NXN: variants seen among roughly 807,000 people sequenced by gnomAD.
NXN encodes the protein nucleoredoxin, also known as nucleoredoxin 1.
NXN carries 16 observed loss-of-function variants against 48.6 expected under a neutral mutation model. That is an observed-to-expected ratio of 0.33 (90% confidence interval 0.22 to 0.50). The LOEUF is 0.50. Among genes scored for constraint, NXN ranks in the 20% least tolerant of loss-of-function variants. The probability of loss-of-function intolerance (pLI) is 0.98; values close to 1 mark genes in which losing one functional copy is unlikely to be tolerated. For synonymous variants in NXN, 281 were observed against 269.6 expected (o/e 1.04, Z -0.41); for missense variants, 492 against 605.5 (o/e 0.81, Z 1.97).
At chr17:864,222 G>A in intron 1 of NXN, 2 of 1,352,302 alleles carry the variant, frequency 1.5e-6, no homozygotes, top group South Asian at 2.5e-5. Flanking sequence ...GGCATTCATG[G>A]TACTTGTCTT....
At chr17:925,999 A>G (rs1456013246) in intron 1 of NXN, among the ~76,000 whole-genome samples, 1 of 152,220 alleles carries the variant, frequency 6.6e-6, no homozygotes. Context: ...TCTCGTTGCA[A>G]AAGAGCCATT....
chr17:896,932 T>C (rs1597222852), intron 1 of NXN: 1 of 1,251,474 alleles, frequency 8.0e-7, no homozygotes, highest in South Asian at 1.3e-5. Flanking sequence ...CTTCTTTTTT[T>C]CCCAAGCCAG....
rs147811976 is a variant in NXN, at chr17:866,348, C to T, written c.361-40270G>A. Among the ~76,000 whole-genome samples the T allele has an allele frequency of 3.9e-5, 6 of 152,096 alleles. No individual in the cohort carries two copies. The East Asian group carries it at 9.7e-4, about 25-fold the overall frequency. On this transcript the variant is annotated intron_variant, in intron 1 of 7. Coordinates refer to ENST00000336868, the MANE Select transcript of NXN (RefSeq NM_022463.5). ...CTGTAATACCAGCACTTTGAGAGGC[C>T]GAGGCAGGAGGATCACCTGCACTGA... is the stretch of plus-strand genomic sequence containing the variant.
chr17:867,918 T>C (rs1451041754), intron 1 of NXN, among the ~76,000 whole-genome samples: 2 of 150,910 alleles, frequency 1.3e-5, no homozygotes, highest in African/African-American at 4.9e-5. Context: ...AAGTCTTAAA[T>C]GTACCTTGCA....
intron 1 of NXN, among the ~76,000 whole-genome samples, chr17:841,896 G>T (rs1438993497): frequency 6.6e-6 from 1 of 152,198 alleles, no homozygotes; most frequent in Non-Finnish European, 1.5e-5. Flanking sequence ...CAGCACTTTG[G>T]GAGGCCGAGG....
chr17:970,208 G>A (rs2069357361), intron 1 of NXN, among the ~76,000 whole-genome samples: 1 of 152,132 alleles, frequency 6.6e-6, no homozygotes, highest in Non-Finnish European at 1.5e-5. Flanking sequence ...CTGGGCTTCT[G>A]CCTCGTCGTG....
At chr17:973,599 GA>G (rs748907152) in intron 1 of NXN, among the ~76,000 whole-genome samples, 3 of 152,112 alleles carry the variant, frequency 2.0e-5, no homozygotes, top group Non-Finnish European at 4.4e-5. Flanking sequence ...AATATCCCGG[GA>G]CTTTAAGGCA....
rs2067899920 is a variant in NXN, at chr17:849,426, A to C, written c.361-23348T>G. On this transcript the variant is annotated intron_variant, in intron 1 of 7. Transcript: ENST00000336868. This position sits in a 1 kb window ranked among gnomAD's most constrained non-coding sequence, Gnocchi z 4.2. ...CAGGTACCTGTAATCCCAGCTACTC[A>C]GGAGGCTGAGGCAGAAGAATTGCTT... is the stretch of plus-strand genomic sequence containing the variant. Among the ~76,000 whole-genome samples the C allele has an allele frequency of 6.6e-6, 1 of 151,994 alleles. No homozygotes were observed. The highest frequency in any genetic ancestry group is 2.4e-5 in the African/African-American group (1 of 41,386).
rs2069176823 is a variant in NXN, at chr17:956,897, C to T, written c.360+22422G>A. The stretch of plus-strand genomic sequence containing the variant: ...CATCCAGGAGAGAGGCTGGCCCCTC[C>T]GTTCTCAGAGCTCCTGCGGGCAACT... On this transcript the variant is annotated intron_variant, in intron 1 of 7. Coordinates refer to ENST00000336868, the MANE Select transcript of NXN (RefSeq NM_022463.5). The surrounding 1 kb of genome is among the most constrained non-coding windows in gnomAD (Gnocchi z 4.1). Among the ~76,000 whole-genome samples the T allele has an allele frequency of 1.3e-5, 2 of 152,174 alleles. No individual in the cohort carries two copies. Among genetic ancestry groups the T allele is most frequent in the Admixed American group, 1.3e-4 (2 of 15,266 alleles).
At chr17:895,617 C>G (rs1278261433) in intron 1 of NXN, among the ~76,000 whole-genome samples, 5 of 148,540 alleles carry the variant, frequency 3.4e-5, no homozygotes, top group African/African-American at 9.9e-5. Context: ...TCAAGACCAT[C>G]CTGGCTAACA....
intron 1 of NXN, among the ~76,000 whole-genome samples, chr17:931,179 C>G (rs2068849435): frequency 6.6e-6 from 1 of 151,580 alleles, no homozygotes; most frequent in African/African-American, 2.4e-5. Context: ...CCCAACGACA[C>G]AGGAGGCTGA....
chr17:923,090 T>C (rs1366075720), intron 1 of NXN, among the ~76,000 whole-genome samples: 1 of 152,142 alleles, frequency 6.6e-6, no homozygotes, highest in African/African-American at 2.4e-5. Flanking sequence ...TCTCCTGTTT[T>C]ACTTTCCTTG....
intron 1 of NXN, among the ~76,000 whole-genome samples, chr17:926,957 C>T (rs1158809732): frequency 1.3e-5 from 2 of 152,216 alleles, no homozygotes; most frequent in East Asian, 1.9e-4. Context: ...TCATAACAAC[C>T]CTGGGAGGTG....
At chr17:963,782 T>C (rs1597281927) in intron 1 of NXN, among the ~76,000 whole-genome samples, 1 of 152,028 alleles carries the variant, frequency 6.6e-6, no homozygotes, top group East Asian at 1.9e-4. Context: ...TTACAGTTAA[T>C]AAATAAAATG....
At chr17:826,756 C>T (rs934127547) in intron 1 of NXN, among the ~76,000 whole-genome samples, 11 of 152,122 alleles carry the variant, frequency 7.2e-5, no homozygotes, top group Non-Finnish European at 1.5e-4. Flanking sequence ...CACAAAGCAC[C>T]AGGGAAGCAA....
At chr17:912,478 T>C (rs1362719008) in intron 1 of NXN, among the ~76,000 whole-genome samples, 1 of 152,142 alleles carries the variant, frequency 6.6e-6, no homozygotes, top group Non-Finnish European at 1.5e-5. Flanking sequence ...GTCTACATCC[T>C]TGCCAACACT....
At chr17:914,974 C>CA (rs2068672093) in intron 1 of NXN, among the ~76,000 whole-genome samples, 1 of 151,910 alleles carries the variant, frequency 6.6e-6, no homozygotes, top group Non-Finnish European at 1.5e-5. Context: ...AAGTCTCGCT[C>CA]GCCAGGCTGG....
intron 1 of NXN, among the ~76,000 whole-genome samples, chr17:955,877 G>GAGCT (rs2069163407): frequency 6.6e-6 from 1 of 151,632 alleles, no homozygotes; most frequent in South Asian, 2.1e-4. Context: ...ACTCCAGCCT[G>GAGCT]GGCGACAGAG....
chr17:866,668 G>A (rs1364887660), intron 1 of NXN, among the ~76,000 whole-genome samples: 4 of 152,184 alleles, frequency 2.6e-5, no homozygotes, highest in Non-Finnish European at 5.9e-5. Flanking sequence ...CGTGCATGGA[G>A]TTCTGCTTTT....
Sources: gnomAD v4.1 joint callset for allele counts (sites outside exome capture counted in the v4.1 genomes callset) on GRCh38, gnomAD v4.1.1 for gene constraint, Gnocchi (gnomAD v3.1) non-coding constraint, MANE v1.5 for transcripts, NCBI Gene and HGNC (gene_info 2026-07-23, HGNC 2026-07-21) for gene names.